TLR6: variants seen among roughly 807,000 people sequenced by gnomAD.
TLR6 encodes the protein toll like receptor 6.
In TLR6, 9 loss-of-function variants were observed where a neutral mutation model predicts 16.1. The ratio of observed to expected loss-of-function variants is 0.56; its 90% confidence interval spans 0.34 to 0.98. The LOEUF is 0.98. TLR6 is among the 50% of genes least tolerant of loss of function. The pLI is 0.02. For missense variants in TLR6, 786 were observed against 921.0 expected, an observed-to-expected ratio of 0.85 and a Z score of 1.90; for synonymous variants, 340 against 338.6, an observed-to-expected ratio of 1.00 and a Z score of -0.04.
chr4:38,853,952 A>G (rs1344968774), intron 1 of TLR6, among the ~76,000 whole-genome samples: 2 of 152,250 alleles, frequency 1.3e-5, no homozygotes, highest in Non-Finnish European at 2.9e-5. Context: ...AAAGTACCAA[A>G]GTAAATATGT....
intron 1 of TLR6, among the ~76,000 whole-genome samples, chr4:38,846,095 AAAAAAAAAAAAAG>A (rs1359155498): frequency 7.3e-5 from 7 of 95,800 alleles, no homozygotes; most frequent in Admixed American, 4.1e-4. Context: ...TCTCAAAAAA[AAAAAAAAAAAAAG>A]AAAAGAAAAG....
the TLR6 span, chr4:38,867,611 G>C: frequency 6.6e-6 from 1 of 152,036 alleles, no homozygotes; most frequent in Non-Finnish European, 1.5e-5. Flanking sequence ...GCTGGCACAG[G>C]GGTGGGACAA....
chr4:38,852,484 A>G (rs1267132805), intron 1 of TLR6, among the ~76,000 whole-genome samples: 7 of 152,190 alleles, frequency 4.6e-5, no homozygotes, highest in African/African-American at 1.4e-4. Flanking sequence ...CTACTCATCC[A>G]ACAAAGGGCT....
At chr4:38,835,369 C>CA (rs34260767) in intron 1 of TLR6, among the ~76,000 whole-genome samples, 7 of 151,658 alleles carry the variant, frequency 4.6e-5, no homozygotes, top group African/African-American at 7.3e-5. Flanking sequence ...TTAAAAAAGA[C>CA]AAAAAAAGCC....
At chr4:38,840,816 T>G (rs1712224017) in intron 1 of TLR6, among the ~76,000 whole-genome samples, 1 of 152,156 alleles carries the variant, frequency 6.6e-6, no homozygotes, top group African/African-American at 2.4e-5. Context: ...GGTGTAAATA[T>G]GTAAATAGAA....
At chr4:38,859,582 T>TTTTTTG (rs1713152472), upstream of TLR6, among the ~76,000 whole-genome samples, 1 of 150,150 alleles carries the variant, frequency 6.7e-6, no homozygotes. Flanking sequence ...TTTTTTTTTT[T>TTTTTTG]GAGACAGGGT....
At chr4:38,824,732 G>A (rs1044382665) in exon 2 of TLR6, 1 of 152,242 alleles carries the variant, frequency 6.6e-6, no homozygotes, top group African/African-American at 2.4e-5. Flanking sequence ...AATGCAGACA[G>A]AAGATGATGC....
intron 1 of TLR6, among the ~76,000 whole-genome samples, chr4:38,831,304 A>AG (rs1344245892): frequency 2.0e-5 from 3 of 151,812 alleles, no homozygotes; most frequent in African/African-American, 4.8e-5. Flanking sequence ...AAAAAAAAAA[A>AG]AAGAAGAAGA....
intron 1 of TLR6, among the ~76,000 whole-genome samples, chr4:38,850,605 T>C (rs1712730152): frequency 6.6e-6 from 1 of 152,162 alleles, no homozygotes; most frequent in Non-Finnish European, 1.5e-5. Context: ...TAAACACCTC[T>C]ATGCAAATAA....
intron 1 of TLR6, among the ~76,000 whole-genome samples, chr4:38,832,712 G>A (rs528820044): frequency 6.6e-6 from 1 of 152,160 alleles, no homozygotes; most frequent in African/African-American, 2.4e-5. Flanking sequence ...CCACCTAGAG[G>A]GCTACAGCAT....
At chr4:38,831,632 A>G (rs556438810) in intron 1 of TLR6, among the ~76,000 whole-genome samples, 1 of 152,258 alleles carries the variant, frequency 6.6e-6, no homozygotes, top group Non-Finnish European at 1.5e-5. Flanking sequence ...ACTTGTATCC[A>G]AACTATGCAA....
rs1431892420 is a variant in TLR6 at position 38,827,209 on chromosome 4, C to A, written c.2265G>T (p.Met755Ile). 3 of 1,614,094 alleles carry A rather than the reference C, an allele frequency of 1.9e-6. No individual in the cohort carries two copies. In the African/African-American group the frequency reaches 4.0e-5, roughly 22 times the overall value. ...GCCACTGCAAATAAGTCCGCTGCGT[C>A]ATGAGAGCCTTCAGCTTGTGGTACT... The change falls in exon 2 of 2, where the codon ATG becomes ATT. Residue 755 changes from methionine (M) to isoleucine (I), a missense_variant. Physicochemically the swap from Met to Ile is conservative, Grantham distance 10. Coordinates refer to ENST00000436693, the Ensembl canonical transcript of TLR6.
intron 1 of TLR6, among the ~76,000 whole-genome samples, chr4:38,849,732 C>T (rs538279876): frequency 1.3e-5 from 2 of 152,280 alleles, no homozygotes; most frequent in East Asian, 3.9e-4. Flanking sequence ...AGCTAACTAT[C>T]CTAAATATAT....
At chr4:38,856,817 T>C (rs1713010073) in exon 1 of TLR6, 1 of 143,860 alleles carries the variant, frequency 7.0e-6, no homozygotes, top group Admixed American at 6.8e-5. Context: ...GAAATACAAT[T>C]GAAAATGCTT....
chr4:38,858,628 G>A (rs1713081566), upstream of TLR6, among the ~76,000 whole-genome samples: 1 of 151,904 alleles, frequency 6.6e-6, no homozygotes, highest in Non-Finnish European at 1.5e-5. Flanking sequence ...GCTGAAGCAG[G>A]AGAATCATTG....
intron 1 of TLR6, among the ~76,000 whole-genome samples, chr4:38,833,716 T>A (rs977319129): frequency 6.6e-6 from 1 of 152,114 alleles, no homozygotes; most frequent in Middle Eastern, 3.4e-3. Flanking sequence ...AGAAAATCTA[T>A]AAAATGCCTG....
chr4:38,841,139 CTATG>C (rs777881383), intron 1 of TLR6, among the ~76,000 whole-genome samples: 11 of 152,058 alleles, frequency 7.2e-5, no homozygotes, highest in Non-Finnish European at 1.6e-4. Flanking sequence ...ATTTGCTATG[CTATG>C]TATTTCATCT....
chr4:38,840,765 C>T lies in TLR6; in HGVS notation c.-64-11228G>A, dbSNP rs1250348579. 2.6e-5 allele frequency among the ~76,000 whole-genome samples: 4 copies of T among 152,074 alleles called. No individual in the cohort carries two copies. In the South Asian group the frequency reaches 6.2e-4, roughly 24 times the overall value. On this transcript the variant is annotated intron_variant, in intron 1 of 1. Transcript: ENST00000436693. ...ATGTACCCAAATCAACACAGAAGCA[C>T]GGCACTGAAGATGAGAACATTTAAC...
chr4:38,829,161 A>G (rs1216903866), exon 2 of TLR6: 2 of 1,614,174 alleles, frequency 1.2e-6, no homozygotes, highest in Admixed American at 1.7e-5. Context: ...GATAAATCCA[A>G]ATATTCTAAA....
Sources: gnomAD v4.1 joint callset for allele counts (sites outside exome capture counted in the v4.1 genomes callset) on GRCh38, gnomAD v4.1.1 for gene constraint, MANE v1.5 for transcripts, NCBI Gene and HGNC (gene_info 2026-07-23, HGNC 2026-07-21) for gene names.